Variants in PLA2R1 observed in about 807,000 individuals in gnomAD.
PLA2R1 encodes secretory phospholipase A2 receptor.
PLA2R1 carries 158 observed loss-of-function variants against 195.9 expected under a neutral mutation model. The ratio of observed to expected loss-of-function variants is 0.81; its 90% CI spans 0.71 to 0.92. The LOEUF is 0.92. PLA2R1 is among the 40% of genes least tolerant of loss of function. PLA2R1 has a pLI of 0.00. For missense variants in PLA2R1, 1,626 were observed against 1,764.6 expected, an observed-to-expected ratio of 0.92 and a Z score of 1.41; for synonymous variants, 586 against 598.2, an observed-to-expected ratio of 0.98 and a Z score of 0.30.
At position 160,045,124 on chromosome 2, in the gene PLA2R1, A is replaced by G; in HGVS notation, c.143T>C (p.Leu48Pro). 6.2e-7 allele frequency: 1 copy of G among 1,606,476 alleles called. No homozygotes were observed. The highest frequency in any genetic ancestry group is 1.1e-5 in the South Asian group (1 of 90,690). Reference protein sequence around the residue: ...KGIFVIQSESLKKCIQAGKSV... With the variant: ...KGIFVIQSESPKKCIQAGKSV... ...TTTACCTGCTTGAATGCATTTCTTG[A>G]GACTCTCACTTTGGATAACAAATAT... is the stretch of plus-strand genomic sequence containing the variant. The change falls in exon 2 of 30, where the codon CTC becomes CCC. Residue 48 changes from leucine to proline, a missense_variant. Physicochemically the swap from Leu to Pro is moderately conservative, Grantham distance 98. Transcript: ENST00000283243.
the PLA2R1 span, among the ~76,000 whole-genome samples, chr2:159,925,880 A>C: frequency 1.3e-5 from 2 of 152,180 alleles, no homozygotes; most frequent in Admixed American, 6.5e-5. Context: ...CTTGGGTTCT[A>C]GAGTGGTTTT....
Position 159,939,655 on chromosome 2 carries a change from A to C in PLA2R1, c.*2123T>G, listed in dbSNP as rs1687004080. The stretch of plus-strand genomic sequence containing the variant: ...TCCAGATTATCTGGAGATGTTGTTC[A>C]ATACTAAACATCAAAGTATGGAGCA... On this transcript the variant is annotated 3_prime_UTR_variant, in exon 30 of 30. Transcript: ENST00000283243. The C allele has an allele frequency of 6.6e-6, 1 of 152,198 alleles. No individual in the cohort carries two copies. The highest frequency in any genetic ancestry group is 1.5e-5 in the Non-Finnish European group (1 of 68,022). The allele number at this position is 152,198 out of a possible 1,614,324, so 9.4% of individuals were successfully genotyped here. A position where few individuals can be genotyped will look rare whatever the true frequency, so the allele number is the denominator to read the frequency against.
intron 11 of PLA2R1, among the ~76,000 whole-genome samples, chr2:160,005,429 C>T (rs559120315): frequency 2.7e-5 from 4 of 149,846 alleles, no homozygotes; most frequent in African/African-American, 9.8e-5. Flanking sequence ...AGCGAGACCT[C>T]GTCTCAAAAC....
chr2:160,011,742 T>G (rs1692375025), intron 10 of PLA2R1, among the ~76,000 whole-genome samples: 1 of 152,224 alleles, frequency 6.6e-6, no homozygotes, highest in Non-Finnish European at 1.5e-5. Flanking sequence ...CAACCCAAGG[T>G]GTTCTTGGAA....
At chr2:160,034,040 A>T (rs968436041) in intron 3 of PLA2R1, among the ~76,000 whole-genome samples, 3 of 152,226 alleles carry the variant, frequency 2.0e-5, no homozygotes. Flanking sequence ...TCTGGACACA[A>T]TGCATACATA....
intron 27 of PLA2R1, 150 bp downstream of exon 27, chr2:159,946,651 G>A (rs987247295): frequency 3.6e-6 from 5 of 1,400,506 alleles, no homozygotes; most frequent in Middle Eastern, 2.0e-4. Context: ...GGGTTGCAAT[G>A]TTGTTTTTGG....
chr2:159,966,279 G>A (rs1335830751), intron 20 of PLA2R1, among the ~76,000 whole-genome samples: 1 of 152,150 alleles, frequency 6.6e-6, no homozygotes, highest in Non-Finnish European at 1.5e-5. Flanking sequence ...ACTGAAATAA[G>A]CCAGTCACAA....
In PLA2R1 at chr2:159,944,946, C is replaced by T. The variant is rs751977547; in HGVS notation, c.4104G>A (p.Pro1368=). The T allele has an allele frequency of 4.7e-5, 76 of 1,612,496 alleles. No individual in the cohort carries two copies. In the East Asian group the frequency reaches 4.9e-4, roughly 10 times the overall value. ...RIPEGLWQLS[P]CQEKKGFICK... ...ATATAAAGCCTTTTTTTTCTTGACA[C>T]GGGGATAGCTGCCATAATCCTTCAG... is the stretch of plus-strand genomic sequence containing the variant. Residue 1368 remains proline, a synonymous_variant, in exon 28 of 30, where the codon CCG becomes CCA. Transcript: ENST00000283243.
Position 160,062,429 on chromosome 2 carries a change from C to G in PLA2R1, c.-26G>C. On this transcript the variant is annotated 5_prime_UTR_variant, in exon 1 of 30. Coordinates refer to ENST00000283243, the MANE Select transcript of PLA2R1 (RefSeq NM_007366.5). ...CGCTAACCACTGGGCTCTCCGGGAGCCCCTTGTCCCGGGAGCCCCTTATCC... is the reference window on the plus strand; with the variant it reads ...CGCTAACCACTGGGCTCTCCGGGAGGCCCTTGTCCCGGGAGCCCCTTATCC... 2 of 1,523,124 alleles carry G rather than the reference C, an allele frequency of 1.3e-6. No homozygotes were observed. The highest frequency in any genetic ancestry group is 1.4e-5 in the African/African-American group (1 of 69,424). The allele number at this position is 1,523,124 out of a possible 1,614,324, so 94.4% of individuals were successfully genotyped here. A position where few individuals can be genotyped will look rare whatever the true frequency, so the allele number is the denominator to read the frequency against.
chr2:159,956,474 G>A, intron 21 of PLA2R1, 36 bp downstream of exon 21: 1 of 1,023,276 alleles, frequency 9.8e-7, no homozygotes, highest in Non-Finnish European at 1.6e-6. Context: ...GAATAAAAAT[G>A]GTTATCTTGG....
intron 3 of PLA2R1, among the ~76,000 whole-genome samples, chr2:160,038,980 C>T (rs939791356): frequency 6.6e-6 from 1 of 152,086 alleles, no homozygotes; most frequent in Non-Finnish European, 1.5e-5. Context: ...GATTCTTCTG[C>T]CTTAGCCTCC....
In PLA2R1 at chr2:159,933,241, T is replaced by C. The variant is rs1009038649; in HGVS notation, c.*8537A>G. 18 of 152,174 alleles carry C rather than the reference T, an allele frequency of 1.2e-4. No homozygotes were observed. The highest frequency in any genetic ancestry group is 2.5e-4 in the Non-Finnish European group (17 of 68,030). The allele number at this position is 152,174 out of a possible 1,614,324, so 9.4% of individuals were successfully genotyped here. A position where few individuals can be genotyped will look rare whatever the true frequency, so the allele number is the denominator to read the frequency against. On this transcript the variant is annotated 3_prime_UTR_variant, in exon 30 of 30. Coordinates refer to ENST00000283243, the MANE Select transcript of PLA2R1 (RefSeq NM_007366.5). ...GTCACCGGTATACATAGGGTTCATT[T>C]TGTGGTTTTAGTTATTGGCATCCTT... is the stretch of plus-strand genomic sequence containing the variant.
intron 11 of PLA2R1, among the ~76,000 whole-genome samples, chr2:159,998,730 A>G (rs2105366589): frequency 6.6e-6 from 1 of 152,218 alleles, no homozygotes; most frequent in East Asian, 1.9e-4. Flanking sequence ...AAGTTGCCCC[A>G]TATATTTCCT....
chr2:159,960,627 A>T (rs1424686297), intron 20 of PLA2R1, among the ~76,000 whole-genome samples: 1 of 152,146 alleles, frequency 6.6e-6, no homozygotes, highest in African/African-American at 2.4e-5. Flanking sequence ...AGAGTTAATC[A>T]CACACACACA....
At chr2:159,960,407 C>T in intron 20 of PLA2R1, among the ~76,000 whole-genome samples, 1 of 152,148 alleles carries the variant, frequency 6.6e-6, no homozygotes, top group Non-Finnish European at 1.5e-5. Flanking sequence ...TGTTTTTCCT[C>T]ACCACTGAAT....
rs1687294045 is a variant in PLA2R1, at chr2:159,945,017, C to G, written c.4033G>C (p.Asp1345His). ...DQSNWGIRKP[D>H]TDYFKPHHCV... ...TGATGGGGCTTGAAGTAGTCTGTGT[C>G]TGGCTTCCGAATGCCCCAGTTTGAC... Residue 1345 changes from aspartate to histidine, a missense_variant, in exon 28 of 30, where the codon GAC (aspartate) becomes CAC (histidine). Physicochemically the swap from Asp to His is moderately conservative, Grantham distance 81. Transcript: ENST00000283243. 1 of 1,613,608 alleles carries G rather than the reference C, an allele frequency of 6.2e-7. No individual in the cohort carries two copies. The highest frequency in any genetic ancestry group is 8.5e-7 in the Non-Finnish European group (1 of 1,179,790).
chr2:160,042,800 CGTGT>C (rs111414981), intron 2 of PLA2R1, among the ~76,000 whole-genome samples: 4,190 of 119,600 alleles, frequency 0.035, 77 homozygotes, highest in South Asian at 0.075. Context: ...TGTGTGTGTG[CGTGT>C]GTGTGTGTGT....
intron 20 of PLA2R1, among the ~76,000 whole-genome samples, chr2:159,965,089 T>C (rs1688699228): frequency 6.6e-6 from 1 of 152,162 alleles, no homozygotes; most frequent in South Asian, 2.1e-4. Context: ...CCTCCCGCAT[T>C]ATCACATGCC....
At chr2:160,055,342 C>G (rs1160990941) in intron 1 of PLA2R1, among the ~76,000 whole-genome samples, 1 of 152,190 alleles carries the variant, frequency 6.6e-6, no homozygotes, top group Non-Finnish European at 1.5e-5. Flanking sequence ...GGCAGCTAAA[C>G]CACTATCCGA....
Sources: allele counts gnomAD v4.1 joint callset (sites outside exome capture counted in the v4.1 genomes callset), GRCh38; gene constraint gnomAD v4.1.1; transcripts MANE v1.5; gene names NCBI Gene and HGNC (gene_info 2026-07-23, HGNC 2026-07-21).